DYNC1I1: variants seen among roughly 807,000 people sequenced by gnomAD.
DYNC1I1 encodes the protein dynein cytoplasmic 1 intermediate chain 1.
Under a neutral mutation model 86.6 loss-of-function variants are expected in DYNC1I1, and 43 were observed. The ratio of observed to expected loss-of-function variants is 0.50; its 90% CI spans 0.39 to 0.64. The LOEUF (loss-of-function observed/expected upper bound fraction) is 0.64, where lower values mean the gene tolerates loss of function less well. DYNC1I1 is among the 30% of genes least tolerant of loss of function. The probability of loss-of-function intolerance (pLI) is 0.00; values close to 1 mark genes in which losing one functional copy is unlikely to be tolerated. For synonymous variants in DYNC1I1, 262 were observed against 283.7 expected, an observed-to-expected ratio of 0.92 and a Z score of 0.77; for missense variants, 604 against 788.8, an observed-to-expected ratio of 0.77 and a Z score of 2.81.
At chr7:96,106,393 G>A (rs554267370) in intron 16 of DYNC1I1, among the ~76,000 whole-genome samples, 1 of 152,204 alleles carries the variant, frequency 6.6e-6, no homozygotes, top group East Asian at 1.9e-4. Flanking sequence ...AAATTAGCCA[G>A]GTGTGGTGGC....
At chr7:95,802,503 T>G (rs965439956) in intron 1 of DYNC1I1, among the ~76,000 whole-genome samples, 2 of 152,204 alleles carry the variant, frequency 1.3e-5, no homozygotes, top group African/African-American at 2.4e-5. Flanking sequence ...AAGAATAGGC[T>G]TAAGCAAATT....
rs1368095846 is a variant in DYNC1I1, at chr7:96,109,364, T to TCCCCACA, written c.1543-607_1543-601dup. ...ATCTCCTAATGCTATCCCTCCCCCC[T>TCCCCACA]CCCCACACCCCACAACAGTCTCGTT... On this transcript the variant is annotated intron_variant, in intron 16 of 16. Coordinates refer to the DYNC1I1 transcript ENST00000537881. 2.6e-5 allele frequency among the ~76,000 whole-genome samples: 3 copies of TCCCCACA among 114,562 alleles called. No individual in the cohort carries two copies. In the Admixed American group the frequency reaches 2.7e-4, roughly 10 times the overall value. 75.2% of individuals were successfully genotyped at this position (114,562 alleles called of 152,430 possible).
chr7:96,094,340 A>G (rs1252930878), intron 16 of DYNC1I1, among the ~76,000 whole-genome samples: 1 of 152,170 alleles, frequency 6.6e-6, no homozygotes, highest in Non-Finnish European at 1.5e-5. Context: ...AATGATTAAG[A>G]TAGTGTTGGA....
chr7:95,949,382 A>G (rs528046272), intron 6 of DYNC1I1, among the ~76,000 whole-genome samples: 31 of 152,314 alleles, frequency 2.0e-4, no homozygotes, highest in Non-Finnish European at 3.5e-4. Flanking sequence ...GGGCAGGGCC[A>G]GTCAGGAGTG....
intron 14 of DYNC1I1, among the ~76,000 whole-genome samples, chr7:96,063,243 G>C (rs532964095): frequency 9.9e-5 from 15 of 152,018 alleles, no homozygotes. Flanking sequence ...TTAGGAAGGA[G>C]AGAAATAGCT....
intron 16 of DYNC1I1, among the ~76,000 whole-genome samples, chr7:96,092,410 T>C (rs1790876213): frequency 6.6e-6 from 1 of 152,100 alleles, no homozygotes; most frequent in African/African-American, 2.4e-5. Flanking sequence ...TTCACACAAA[T>C]GAGGAAGTAA....
At chr7:95,837,868 T>G (rs1789157283) in intron 5 of DYNC1I1, among the ~76,000 whole-genome samples, 1 of 152,254 alleles carries the variant, frequency 6.6e-6, no homozygotes, top group African/African-American at 2.4e-5. Context: ...GTCCACTGTC[T>G]GGCACTCCCT....
At chr7:95,933,502 G>A (rs569362991) in intron 6 of DYNC1I1, among the ~76,000 whole-genome samples, 2 of 152,312 alleles carry the variant, frequency 1.3e-5, no homozygotes, top group African/African-American at 4.8e-5. Flanking sequence ...TTTGTTTCTT[G>A]TAAAGCAAGA....
At chr7:96,109,684 C>T (rs577665974) in intron 16 of DYNC1I1, among the ~76,000 whole-genome samples, 19 of 152,164 alleles carry the variant, frequency 1.2e-4, no homozygotes, top group East Asian at 3.9e-4. Flanking sequence ...TTCAAATATA[C>T]GGAGAATTTC....
At chr7:95,969,059 T>C (rs1793097128) in intron 6 of DYNC1I1, among the ~76,000 whole-genome samples, 1 of 152,204 alleles carries the variant, frequency 6.6e-6, no homozygotes, top group Admixed American at 6.5e-5. Context: ...ACTTGAGAAG[T>C]GGCTGTGCTC....
chr7:95,919,099 T>C (rs2116370204), intron 6 of DYNC1I1, among the ~76,000 whole-genome samples: 1 of 152,346 alleles, frequency 6.6e-6, no homozygotes, highest in Non-Finnish European at 1.5e-5. Context: ...GATTGTTTGC[T>C]CAGTAATAAA....
intron 6 of DYNC1I1, among the ~76,000 whole-genome samples, chr7:95,871,795 G>A (rs567446989): frequency 1.2e-4 from 18 of 152,142 alleles, no homozygotes; most frequent in Non-Finnish European, 2.5e-4. Flanking sequence ...TGTGGTCCAA[G>A]CAGCAGGAAA....
rs974576705 is a variant in DYNC1I1, at chr7:95,930,337, A to G, written c.491-47175A>G. 9.2e-5 allele frequency among the ~76,000 whole-genome samples: 14 copies of G among 152,340 alleles called. No individual in the cohort carries two copies. In the South Asian group the frequency reaches 2.9e-3, roughly 32 times the overall value. ...CAATCTAACTTGTTGCTGGTGTCTT[A>G]ATTTCCAGCATATCTGAGAGGTTTT... On this transcript the variant is annotated intron_variant, in intron 6 of 16. Coordinates refer to ENST00000447467, the MANE Select transcript of DYNC1I1 (RefSeq NM_001135556.2).
chr7:96,014,846 A>G (rs1395892753), intron 10 of DYNC1I1, among the ~76,000 whole-genome samples: 3 of 152,214 alleles, frequency 2.0e-5, no homozygotes, highest in African/African-American at 7.2e-5. Flanking sequence ...TTAGATGCAT[A>G]TTAAATTACC....
intron 1 of DYNC1I1, among the ~76,000 whole-genome samples, chr7:95,797,074 T>C (rs1221185844): frequency 6.6e-6 from 1 of 152,054 alleles, no homozygotes; most frequent in Non-Finnish European, 1.5e-5. Flanking sequence ...AGAAAAAAAA[T>C]TAGTTACATT....
At chr7:95,933,599 T>C (rs778526079) in intron 6 of DYNC1I1, among the ~76,000 whole-genome samples, 4 of 152,210 alleles carry the variant, frequency 2.6e-5, no homozygotes, top group Non-Finnish European at 5.9e-5. Flanking sequence ...TATATTTTCA[T>C]GAAGAAATGG....
At chr7:95,926,438 A>T (rs1791747416) in intron 6 of DYNC1I1, among the ~76,000 whole-genome samples, 1 of 152,202 alleles carries the variant, frequency 6.6e-6, no homozygotes, top group African/African-American at 2.4e-5. Context: ...TTTGATACTG[A>T]TAAAATGATA....
chr7:95,942,622 A>C (rs1584184428), intron 6 of DYNC1I1, among the ~76,000 whole-genome samples: 1 of 152,026 alleles, frequency 6.6e-6, no homozygotes, highest in East Asian at 1.9e-4. Flanking sequence ...AAAAATCCTC[A>C]ATAAAATACT....
chr7:96,044,836 G>T (rs2116068806), intron 14 of DYNC1I1, among the ~76,000 whole-genome samples: 1 of 152,326 alleles, frequency 6.6e-6, no homozygotes, highest in Non-Finnish European at 1.5e-5. Flanking sequence ...AGGAAGAGCT[G>T]ATTAGGGAAT....
Sources: gnomAD v4.1 joint callset for allele counts (sites outside exome capture counted in the v4.1 genomes callset) on GRCh38, gnomAD v4.1.1 for gene constraint, MANE v1.5 for transcripts, NCBI Gene and HGNC (gene_info 2026-07-23, HGNC 2026-07-21) for gene names.